ADAMTS6: variants seen among roughly 807,000 people sequenced by gnomAD.
The protein encoded by ADAMTS6 is A disintegrin and metalloproteinase with thrombospondin motifs 6.
In ADAMTS6, 23 loss-of-function variants were observed where a neutral mutation model predicts 144.3. That is an observed-to-expected ratio of 0.16 (90% CI 0.11 to 0.23). The LOEUF (loss-of-function observed/expected upper bound fraction) is 0.23. Among genes scored for constraint, ADAMTS6 ranks in the 10% least tolerant of loss-of-function variants. The pLI is 1.00. For synonymous variants in ADAMTS6, 444 were observed against 457.5 expected (o/e 0.97, Z 0.38); for missense variants, 999 against 1,379.6 (o/e 0.72, Z 4.37).
chr5:65,226,250 G>A, intron 15 of ADAMTS6, 31 bp from the exon 16 acceptor site: 3 of 1,603,416 alleles, frequency 1.9e-6, no homozygotes, highest in East Asian at 2.2e-5. Context: ...AGAAATAAGT[G>A]GAGTGGTTGT....
At chr5:65,316,346 T>A (rs1744996340) in intron 9 of ADAMTS6, among the ~76,000 whole-genome samples, 2 of 152,282 alleles carry the variant, frequency 1.3e-5, no homozygotes, top group East Asian at 1.9e-4. Context: ...TATAGAATAC[T>A]CCATCCAAAA....
chr5:65,323,506 T>C (rs1315968473), intron 9 of ADAMTS6, among the ~76,000 whole-genome samples: 2 of 152,074 alleles, frequency 1.3e-5, no homozygotes, highest in East Asian at 1.9e-4. Flanking sequence ...TTTTCTTAAT[T>C]CAGTCTATCA....
chr5:65,399,609 C>T (rs888358944), intron 7 of ADAMTS6, among the ~76,000 whole-genome samples: 1 of 152,016 alleles, frequency 6.6e-6, no homozygotes, highest in African/African-American at 2.4e-5. Flanking sequence ...TAAAACTATA[C>T]TGCTTCATAG....
chr5:65,335,631 G>A (rs1336163680), intron 7 of ADAMTS6, among the ~76,000 whole-genome samples: 1 of 151,930 alleles, frequency 6.6e-6, no homozygotes, highest in Non-Finnish European at 1.5e-5. Flanking sequence ...TTTATCATAT[G>A]CCCAGGTATA....
intron 7 of ADAMTS6, among the ~76,000 whole-genome samples, chr5:65,400,545 A>G (rs1249730554): frequency 6.6e-6 from 1 of 152,114 alleles, no homozygotes; most frequent in Non-Finnish European, 1.5e-5. Flanking sequence ...GATTTTCTGT[A>G]ATTTAAAAGC....
chr5:65,443,762 C>T (rs994941023), intron 7 of ADAMTS6, among the ~76,000 whole-genome samples: 3 of 150,564 alleles, frequency 2.0e-5, no homozygotes, highest in Non-Finnish European at 4.4e-5. Context: ...TATTCCAACA[C>T]CCATTCCTGA....
intron 7 of ADAMTS6, among the ~76,000 whole-genome samples, chr5:65,351,582 C>T (rs983998308): frequency 6.6e-6 from 1 of 151,960 alleles, no homozygotes; most frequent in Non-Finnish European, 1.5e-5. Context: ...TTTATAATGA[C>T]CTTATTATAT....
chr5:65,436,541 T>A (rs1757421146), intron 7 of ADAMTS6, among the ~76,000 whole-genome samples: 1 of 151,890 alleles, frequency 6.6e-6, no homozygotes, highest in Non-Finnish European at 1.5e-5. Context: ...TCCTTTATTT[T>A]AAAAAAAATC....
At chr5:65,303,797 T>C (rs1024443072) in intron 9 of ADAMTS6, among the ~76,000 whole-genome samples, 1 of 152,130 alleles carries the variant, frequency 6.6e-6, no homozygotes, top group Non-Finnish European at 1.5e-5. Context: ...AAATGCATAA[T>C]GGTAGTTACC....
chr5:65,476,627 AG>A (rs1489287792), intron 1 of ADAMTS6, among the ~76,000 whole-genome samples: 9 of 150,446 alleles, frequency 6.0e-5, no homozygotes, highest in Admixed American at 4.6e-4. Flanking sequence ...TTTTTTTTTG[AG>A]ACTGAGTCTT....
intron 21 of ADAMTS6, among the ~76,000 whole-genome samples, chr5:65,194,026 AG>A (rs1394174151): frequency 6.6e-6 from 1 of 152,184 alleles, no homozygotes; most frequent in Non-Finnish European, 1.5e-5. Flanking sequence ...AGTGGTTTAT[AG>A]GTTTTTTTGT....
intron 11 of ADAMTS6, among the ~76,000 whole-genome samples, chr5:65,275,632 T>G (rs1762473832): frequency 6.6e-6 from 1 of 151,844 alleles, no homozygotes; most frequent in Non-Finnish European, 1.5e-5. Context: ...TTTTTAAACC[T>G]GCAGGTTCTG....
At chr5:65,400,260 T>G (rs1322306939) in intron 7 of ADAMTS6, among the ~76,000 whole-genome samples, 1 of 152,160 alleles carries the variant, frequency 6.6e-6, no homozygotes, top group Non-Finnish European at 1.5e-5. Context: ...TGGCGTACAG[T>G]GTCATGATCA....
chr5:65,322,492 C>A (rs888502166), intron 9 of ADAMTS6, among the ~76,000 whole-genome samples: 16 of 151,550 alleles, frequency 1.1e-4, no homozygotes, highest in Admixed American at 1.1e-3. Flanking sequence ...TTGATTCTTC[C>A]TATCCATGAT....
intron 15 of ADAMTS6, among the ~76,000 whole-genome samples, chr5:65,239,290 C>T (rs1027317925): frequency 8.7e-5 from 13 of 148,842 alleles, no homozygotes; most frequent in Admixed American, 2.0e-4. Context: ...GTGTTCATGA[C>T]TATACTCTAG....
chr5:65,421,116 G>A (rs1756000766), intron 7 of ADAMTS6, among the ~76,000 whole-genome samples: 1 of 152,188 alleles, frequency 6.6e-6, no homozygotes, highest in South Asian at 2.1e-4. Flanking sequence ...CACGTTGACT[G>A]TTATCAAGAT....
chr5:65,392,252 ACT>A (rs1752985982), intron 7 of ADAMTS6, among the ~76,000 whole-genome samples: 1 of 149,706 alleles, frequency 6.7e-6, no homozygotes, highest in Non-Finnish European at 1.5e-5. Context: ...TAAATAGTAG[ACT>A]TTTTTTCCTT....
At position 65,415,961 on chromosome 5, in the gene ADAMTS6, C is replaced by A. The variant is rs1755472341; in HGVS notation, c.1073+35514G>T. Reference sequence around the variant, plus strand: ...CCAGGGGCACTGGGATCATCTCAGCCCCCATGCCCAAGAAGCTGCTGATGA... The same window carrying A: ...CCAGGGGCACTGGGATCATCTCAGCACCCATGCCCAAGAAGCTGCTGATGA... On this transcript the variant is annotated intron_variant, in intron 7 of 24. Coordinates refer to ENST00000381055, the MANE Select transcript of ADAMTS6 (RefSeq NM_197941.4). 4 of 181,372 alleles carry A rather than the reference C, an allele frequency of 2.2e-5. No homozygotes were observed. The South Asian group carries it at 4.1e-4, about 19-fold the overall frequency. 11.2% of individuals were successfully genotyped at this position (181,372 alleles called of 1,614,324 possible).
At chr5:65,457,944 C>T (rs908659667) in intron 4 of ADAMTS6, among the ~76,000 whole-genome samples, 47 of 151,660 alleles carry the variant, frequency 3.1e-4, no homozygotes, top group African/African-American at 1.1e-3. Flanking sequence ...CCAGGATGGT[C>T]TCGATCTCCT....
Sources: allele counts gnomAD v4.1 joint callset (sites outside exome capture counted in the v4.1 genomes callset), GRCh38; gene constraint gnomAD v4.1.1; transcripts MANE v1.5; gene names NCBI Gene and HGNC (gene_info 2026-07-23, HGNC 2026-07-21).